ZNF90: variants seen among roughly 807,000 people sequenced by gnomAD.
The protein encoded by ZNF90 is zinc finger protein 90.
Under a neutral mutation model 12.0 loss-of-function variants are expected in ZNF90, and 11 were observed. The observed-to-expected ratio is 0.92, with a 90% CI of 0.58 to 1.52. ZNF90 has a LOEUF of 1.52. Among genes scored for constraint, ZNF90 ranks in the 40% most tolerant of loss-of-function variants. The pLI, the probability that ZNF90 is intolerant of heterozygous loss-of-function variation, is 0.00. For missense variants in ZNF90, 765 were observed against 711.5 expected, an observed-to-expected ratio of 1.08 and a Z score of -0.86; for synonymous variants, 232 against 240.1, an observed-to-expected ratio of 0.97 and a Z score of 0.31.
intron 1 of ZNF90, among the ~76,000 whole-genome samples, chr19:20,083,460 T>C (rs143080848): frequency 3.3e-5 from 5 of 152,068 alleles, no homozygotes; most frequent in African/African-American, 1.2e-4. Flanking sequence ...CCCAAGTAGC[T>C]AGTATTATAG....
At chr19:20,083,557 C>T (rs1191690465) in intron 1 of ZNF90, among the ~76,000 whole-genome samples, 1 of 152,078 alleles carries the variant, frequency 6.6e-6, no homozygotes, top group African/African-American at 2.4e-5. Context: ...AAGCTCCCGA[C>T]CTCAGGTGAT....
At chr19:20,113,664 T>A (rs529885795) in intron 3 of ZNF90, among the ~76,000 whole-genome samples, 2 of 151,902 alleles carry the variant, frequency 1.3e-5, no homozygotes, top group African/African-American at 2.4e-5. Context: ...CCGTCTGTAC[T>A]AAAAATACAA....
intron 1 of ZNF90, among the ~76,000 whole-genome samples, chr19:20,095,058 G>A (rs1249332714): frequency 6.6e-6 from 1 of 152,006 alleles, no homozygotes; most frequent in Non-Finnish European, 1.5e-5. Flanking sequence ...TGAGCAGCCT[G>A]GGGAGGAGGG....
intron 3 of ZNF90, among the ~76,000 whole-genome samples, chr19:20,115,943 G>T (rs782191330): frequency 6.6e-6 from 1 of 151,962 alleles, no homozygotes; most frequent in African/African-American, 2.4e-5. Context: ...GTGCAATCTC[G>T]GCTGACTGCA....
At position 20,117,761 on chromosome 19, in the gene ZNF90, G is replaced by T; in HGVS notation, c.227-20G>T. 2.0e-6 allele frequency: 3 copies of T among 1,481,320 alleles called. No homozygotes were observed. Among genetic ancestry groups the T allele is most frequent in the Middle Eastern group, 3.6e-4 (2 of 5,570 alleles). The allele number at this position is 1,481,320 out of a possible 1,614,324, so 91.8% of individuals were successfully genotyped here. On this transcript the variant is annotated intron_variant, in intron 3 of 3. Transcript: ENST00000418063. ...CAGAATCTAGCAATTGAAGTAATGT[G>T]TTCTTATTGTTTCTTTCAGTTATGT... is the stretch of plus-strand genomic sequence containing the variant.
At chr19:20,081,455 G>A (rs1003144876) in intron 1 of ZNF90, among the ~76,000 whole-genome samples, 6 of 152,102 alleles carry the variant, frequency 3.9e-5, no homozygotes, top group African/African-American at 9.7e-5. Flanking sequence ...CCAAAGTGCC[G>A]GGATTACAGG....
In ZNF90 at chr19:20,119,777, TAG is replaced by T. The variant is rs1300856294; in HGVS notation, c.*421_*422del. The T allele has an allele frequency of 1.8e-5, 3 of 166,060 alleles. No homozygotes were observed. The highest frequency in any genetic ancestry group is 3.9e-5 in the Non-Finnish European group (3 of 76,268). 10.3% of individuals were successfully genotyped at this position (166,060 alleles called of 1,614,324 possible). On this transcript the variant is annotated 3_prime_UTR_variant, in exon 4 of 4. Transcript: ENST00000418063. ...GCCCAACTAATTTTTGTATTTTTGG[TAG>T]AGACAGGGTTTTGCCATATTTAACA...
rs1042340557 is a variant in ZNF90, at chr19:20,094,904, G to A, written c.4-9335G>A. 1.1e-4 allele frequency among the ~76,000 whole-genome samples: 16 copies of A among 152,324 alleles called. 1 individual carries two copies. The highest frequency in any genetic ancestry group is 3.8e-4 in the African/African-American group (16 of 41,568). ...TTCAGCTCCAGCCACCTCTCTAAGAGGAAATTGTTGGGCAGGTGGGGAAGA... is the reference window on the plus strand; with the variant it reads ...TTCAGCTCCAGCCACCTCTCTAAGAAGAAATTGTTGGGCAGGTGGGGAAGA... On this transcript the variant is annotated intron_variant, in intron 1 of 3. Coordinates refer to ENST00000418063, the MANE Select transcript of ZNF90 (RefSeq NM_007138.2).
rs782677817 is a variant in ZNF90, at chr19:20,118,461, C to T, written c.907C>T (p.His303Tyr). The change falls in exon 4 of 4, where the codon CAT becomes TAT. Residue 303 changes from histidine (H) to tyrosine (Y), a missense_variant. Transcript: ENST00000418063. ...AFISSSILYV[H>Y]KISHTEEKPY... The stretch of plus-strand genomic sequence containing the variant: ...TATTTCATCCTCGATCCTTTATGTA[C>T]ATAAGATAAGTCATACTGAAGAGAA... The T allele has an allele frequency of 3.5e-5, 57 of 1,613,102 alleles. No individual in the cohort carries two copies. Among genetic ancestry groups the T allele is most frequent in the Non-Finnish European group, 4.8e-5 (57 of 1,179,656 alleles).
chr19:20,112,245 T>G (rs1005658191), intron 3 of ZNF90, among the ~76,000 whole-genome samples: 2 of 151,670 alleles, frequency 1.3e-5, no homozygotes, highest in Non-Finnish European at 2.9e-5. Flanking sequence ...TTTTTTTTTT[T>G]TTTTGAGACT....
At chr19:20,101,538 T>G (rs1301623401) in intron 1 of ZNF90, among the ~76,000 whole-genome samples, 1 of 152,260 alleles carries the variant, frequency 6.6e-6, no homozygotes, top group East Asian at 1.9e-4. Flanking sequence ...TATTTTTATC[T>G]TCATGGAGCA....
intron 3 of ZNF90, among the ~76,000 whole-genome samples, chr19:20,105,723 C>A (rs2217650): frequency 1.3e-5 from 2 of 152,114 alleles, no homozygotes; most frequent in Non-Finnish European, 2.9e-5. Context: ...AGTTTCATTT[C>A]TTTGTTCATT....
chr19:20,101,063 A>G (rs1280870157), intron 1 of ZNF90, among the ~76,000 whole-genome samples: 1 of 151,948 alleles, frequency 6.6e-6, no homozygotes, highest in Non-Finnish European at 1.5e-5. Flanking sequence ...GCTCCAGCTG[A>G]GCTTTCACTT....
rs1001799533 is a variant in ZNF90 at position 20,102,062 on chromosome 19, T to G, written c.4-2177T>G. 2.6e-5 allele frequency among the ~76,000 whole-genome samples: 4 copies of G among 152,324 alleles called. No individual in the cohort carries two copies. In the East Asian group the frequency reaches 7.7e-4, roughly 29 times the overall value. On this transcript the variant is annotated intron_variant, in intron 1 of 3. Coordinates refer to ENST00000418063, the MANE Select transcript of ZNF90 (RefSeq NM_007138.2). ...ATCCTCAATGTGGGATACAGTAAAT[T>G]TGTCCTCAAAGGTTTCAGCTTGTTA... is the stretch of plus-strand genomic sequence containing the variant.
intron 1 of ZNF90, among the ~76,000 whole-genome samples, chr19:20,094,018 T>C (rs1462190074): frequency 6.6e-6 from 1 of 152,200 alleles, no homozygotes; most frequent in African/African-American, 2.4e-5. Context: ...AGATGGGACA[T>C]GGCTTGGGAG....
chr19:20,099,120 T>C (rs1555703564), intron 1 of ZNF90, among the ~76,000 whole-genome samples: 1 of 152,134 alleles, frequency 6.6e-6, no homozygotes, highest in African/African-American at 2.4e-5. Context: ...CTTTATGTTG[T>C]TGTGACTTCT....
In ZNF90 at chr19:20,119,559, C is replaced by T; in HGVS notation, c.*199C>T. 3.7e-6 allele frequency: 2 copies of T among 544,108 alleles called. No individual in the cohort carries two copies. The highest frequency in any genetic ancestry group is 6.4e-6 in the Non-Finnish European group (2 of 313,512). 33.7% of individuals were successfully genotyped at this position (544,108 alleles called of 1,614,324 possible). A position where few individuals can be genotyped will look rare whatever the true frequency, so the allele number is the denominator to read the frequency against. On this transcript the variant is annotated 3_prime_UTR_variant, in exon 4 of 4. Coordinates refer to ENST00000418063, the MANE Select transcript of ZNF90 (RefSeq NM_007138.2). ...TTCTCAACCCTTACTACACATAATT[C>T]ATACTGGACGGAAACTCTACAGGTG...
chr19:20,106,599 A>T (rs531274419), intron 3 of ZNF90, among the ~76,000 whole-genome samples: 2 of 151,970 alleles, frequency 1.3e-5, no homozygotes, highest in Non-Finnish European at 2.9e-5. Flanking sequence ...GACTACAGGC[A>T]CCCGCCACCA....
At chr19:20,117,046 T>TGTGA (rs1419252854) in intron 3 of ZNF90, among the ~76,000 whole-genome samples, 99 of 141,014 alleles carry the variant, frequency 7.0e-4, no homozygotes, top group East Asian at 1.3e-3. Flanking sequence ...TGTGTGTGTG[T>TGTGA]GAGAGAGAGA....
Sources: allele counts gnomAD v4.1 joint callset (sites outside exome capture counted in the v4.1 genomes callset), GRCh38; gene constraint gnomAD v4.1.1; transcripts MANE v1.5; gene names NCBI Gene and HGNC (gene_info 2026-07-23, HGNC 2026-07-21).